Variants in PCDHA2 observed in about 807,000 individuals in gnomAD.
PCDHA2 encodes protocadherin alpha 2.
PCDHA2 carries 58 observed loss-of-function variants against 66.0 expected under a neutral mutation model. That is an observed-to-expected ratio of 0.88 (90% CI 0.71 to 1.09). The LOEUF is 1.09. PCDHA2 is among the 50% of genes least tolerant of loss of function. PCDHA2 has a pLI of 0.00. For synonymous variants in PCDHA2, 634 were observed against 554.0 expected (o/e 1.14, Z -2.03); for missense variants, 1,267 against 1,242.3 (o/e 1.02, Z -0.30).
At chr5:140,829,347 C>T in intron 1 of PCDHA2, 5 of 1,614,232 alleles carry the variant, frequency 3.1e-6, no homozygotes, top group Non-Finnish European at 4.2e-6. Flanking sequence ...GAGAGCGTGT[C>T]GGCCTATGAG....
chr5:140,887,643 T>C (rs1392264032), intron 1 of PCDHA2, among the ~76,000 whole-genome samples: 2 of 152,148 alleles, frequency 1.3e-5, no homozygotes, highest in African/African-American at 4.8e-5. Flanking sequence ...TTGGGGTTTG[T>C]TGATATTCTT....
chr5:140,944,710 T>C (rs564606677), intron 1 of PCDHA2, among the ~76,000 whole-genome samples: 1 of 152,300 alleles, frequency 6.6e-6, no homozygotes, highest in East Asian at 1.9e-4. Flanking sequence ...TCAGGTTATT[T>C]TGCCTTTGAA....
chr5:140,820,815 A>G (rs1554127928), intron 1 of PCDHA2, among the ~76,000 whole-genome samples: 1 of 152,112 alleles, frequency 6.6e-6, no homozygotes, highest in Non-Finnish European at 1.5e-5. Context: ...ACAATTTTTA[A>G]TAATTGCTTT....
intron 1 of PCDHA2, chr5:140,862,697 T>C (rs2047497328): frequency 1.8e-6 from 1 of 556,706 alleles, no homozygotes; most frequent in East Asian, 5.0e-5. Context: ...TACTCGTTGA[T>C]GGAACAGCGG....
rs2150484404 is a variant in PCDHA2, at chr5:140,850,437, C to T, written c.2388+53085C>T. 6.3e-6 allele frequency: 10 copies of T among 1,597,794 alleles called. 1 individual carries two copies. Among genetic ancestry groups the T allele is most frequent in the African/African-American group, 1.3e-5 (1 of 74,284 alleles). ...AACGGACGCACCGCGCCAGCGCCTA[C>T]TGGTGCTGGTGAAAGACCACGGGGA... On this transcript the variant is annotated intron_variant, in intron 1 of 3. Transcript: ENST00000526136.
chr5:140,982,596 G>A, intron 3 of PCDHA2, 33 bp downstream of exon 3: 2 of 1,609,850 alleles, frequency 1.2e-6, no homozygotes, highest in South Asian at 2.2e-5. Flanking sequence ...TTCTTTCTTG[G>A]TTTCTGGAAA....
chr5:140,809,496 T>A lies in PCDHA2; in HGVS notation c.2388+12144T>A. ...GAGGGCCCACCCAAGACCGACCTCA[T>A]GGCCTTCAGCCCCAGTTTACCTGAC... On this transcript the variant is annotated intron_variant, in intron 1 of 3. Coordinates refer to ENST00000526136, the MANE Select transcript of PCDHA2 (RefSeq NM_018905.3). The A allele has an allele frequency of 3.1e-6, 5 of 1,614,246 alleles. No homozygotes were observed. Among genetic ancestry groups the A allele is most frequent in the Non-Finnish European group, 4.2e-6 (5 of 1,180,030 alleles).
In PCDHA2 at chr5:140,969,225, C is replaced by T. The variant is rs782766938; in HGVS notation, c.2389-9724C>T. 22 of 1,614,118 alleles carry T rather than the reference C, an allele frequency of 1.4e-5. No homozygotes were observed. Among genetic ancestry groups the T allele is most frequent in the East Asian group, 1.3e-4 (6 of 44,872 alleles). Reference sequence around the variant, plus strand: ...GGGGCCCAGACAGGACCAGGGCCTTCGGGAGCCCAAGCAGCAGTGACTGAC... The same window carrying T: ...GGGGCCCAGACAGGACCAGGGCCTTTGGGAGCCCAAGCAGCAGTGACTGAC... On this transcript the variant is annotated intron_variant, in intron 1 of 3. Coordinates refer to ENST00000526136, the MANE Select transcript of PCDHA2 (RefSeq NM_018905.3).
Position 140,966,719 on chromosome 5 carries a change from G to A in PCDHA2, c.2389-12230G>A, listed in dbSNP as rs373995406. On this transcript the variant is annotated intron_variant, in intron 1 of 3. Coordinates refer to ENST00000526136, the MANE Select transcript of PCDHA2 (RefSeq NM_018905.3). ...CCGGGCGTGGGGCACGGCTGGGGAA[G>A]CTGCCGCCTCCGGCCCTGCCCGGCT... 7.2e-6 allele frequency: 10 copies of A among 1,395,512 alleles called. No individual in the cohort carries two copies. The East Asian group carries it at 1.1e-4, about 16-fold the overall frequency. 86.4% of individuals were successfully genotyped at this position (1,395,512 alleles called of 1,614,324 possible).
intron 1 of PCDHA2, chr5:140,805,390 C>T: frequency 9.2e-7 from 1 of 1,090,790 alleles, no homozygotes; most frequent in Non-Finnish European, 1.1e-6. Flanking sequence ...ACTCTGGTTT[C>T]TGTTTGATTC....
chr5:140,823,467 G>T, intron 1 of PCDHA2: 1 of 1,613,490 alleles, frequency 6.2e-7, no homozygotes. Flanking sequence ...CGCCGGCGCT[G>T]CTGGTGCCTC....
At chr5:140,961,458 G>A (rs1371131275) in intron 1 of PCDHA2, among the ~76,000 whole-genome samples, 2 of 152,150 alleles carry the variant, frequency 1.3e-5, no homozygotes, top group Non-Finnish European at 2.9e-5. Context: ...TCTTGCAGCT[G>A]CCTTTCTTTT....
chr5:140,877,375 C>T (rs782650940), intron 1 of PCDHA2: 4 of 1,614,006 alleles, frequency 2.5e-6, no homozygotes, highest in South Asian at 1.1e-5. Flanking sequence ...CAGCACGACA[C>T]GCATCCTGGA....
intron 1 of PCDHA2, among the ~76,000 whole-genome samples, chr5:140,950,864 A>G (rs1014752748): frequency 1.3e-5 from 2 of 151,930 alleles, no homozygotes; most frequent in Non-Finnish European, 2.9e-5. Context: ...ATTCTTGTAT[A>G]TTCTATATTG....
intron 1 of PCDHA2, chr5:140,807,068 A>G: frequency 1.7e-6 from 2 of 1,162,074 alleles, no homozygotes; most frequent in African/African-American, 1.5e-5. Flanking sequence ...GGAAGGAACC[A>G]TATACACTCT....
At chr5:140,829,876 C>G in intron 1 of PCDHA2, 2 of 1,613,910 alleles carry the variant, frequency 1.2e-6, no homozygotes, top group Non-Finnish European at 8.5e-7. Flanking sequence ...CGAAGGTGCG[C>G]GCAGTTGACG....
At chr5:140,865,590 T>G (rs1353926761) in intron 1 of PCDHA2, 3 of 152,234 alleles carry the variant, frequency 2.0e-5, no homozygotes, top group Non-Finnish European at 4.4e-5. Flanking sequence ...AAATCACCAT[T>G]GTTTGAGCAG....
At chr5:140,832,585 T>G (rs1306103831) in intron 1 of PCDHA2, among the ~76,000 whole-genome samples, 1 of 152,188 alleles carries the variant, frequency 6.6e-6, no homozygotes, top group Admixed American at 6.5e-5. Flanking sequence ...TCTTAGGAAG[T>G]AGAGAACTAT....
At chr5:140,902,846 A>G (rs1119032) in intron 1 of PCDHA2, among the ~76,000 whole-genome samples, 22,643 of 152,174 alleles carry the variant, frequency 0.15, 1,744 homozygotes, top group Middle Eastern at 0.2. Flanking sequence ...CTTCACTTAG[A>G]AAAATGGCGT....
Sources: gnomAD v4.1 joint callset for allele counts (sites outside exome capture counted in the v4.1 genomes callset) on GRCh38, gnomAD v4.1.1 for gene constraint, MANE v1.5 for transcripts, NCBI Gene and HGNC (gene_info 2026-07-23, HGNC 2026-07-21) for gene names.